Variants in ITGB4 observed in about 807,000 individuals in gnomAD.
The protein encoded by ITGB4 is integrin beta-4.
In ITGB4, 159 loss-of-function variants were observed where a neutral mutation model predicts 207.6. The observed-to-expected ratio is 0.77, with a 90% confidence interval of 0.67 to 0.87. ITGB4 has a LOEUF of 0.87. ITGB4 is among the 40% of genes least tolerant of loss of function. ITGB4 has a pLI of 0.00. For synonymous variants in ITGB4, 1,020 were observed against 1,062.7 expected (o/e 0.96, Z 0.78); for missense variants, 2,278 against 2,546.8 (o/e 0.89, Z 2.27).
At chr17:75,735,942 C>CTCCCTGGCTAGCCTGT in intron 13 of ITGB4, 109 bp from the exon 14 acceptor site, 1 of 965,262 alleles carries the variant, frequency 1.0e-6, no homozygotes, top group Non-Finnish European at 1.7e-6. Flanking sequence ...AGGCTAGCGG[C>CTCCCTGGCTAGCCTGT]ACCCTGGCTC....
intron 27 of ITGB4, 137 bp from the exon 28 acceptor site, chr17:75,749,974 G>C: frequency 1.8e-6 from 2 of 1,084,064 alleles, no homozygotes; most frequent in South Asian, 2.5e-5. Flanking sequence ...GCACCACCAG[G>C]TCTCCAGAGA....
At position 75,755,734 on chromosome 17, in the gene ITGB4, C is replaced by T; in HGVS notation, c.4592C>T (p.Pro1531Leu). ...SRLTAGVPDT[P>L]TRLVFSALGP... ...CTGACTGCTGGTGTGCCCGACACGC[C>T]CACCCGCCTGGTGTTCTCTGCCCTG... Residue 1531 changes from proline (P) to leucine (L), a missense_variant, in exon 35 of 40, where the codon CCC becomes CTC. Pro to Leu is a moderately conservative substitution (Grantham distance 98, BLOSUM62 -3). Coordinates refer to ENST00000200181, the MANE Select transcript of ITGB4 (RefSeq NM_000213.5). 6.2e-7 allele frequency: 1 copy of T among 1,612,932 alleles called. No homozygotes were observed. The highest frequency in any genetic ancestry group is 8.5e-7 in the Non-Finnish European group (1 of 1,179,916).
In ITGB4 at chr17:75,742,390, A is replaced by C. The variant is rs772496890; in HGVS notation, c.2683A>C (p.Lys895Gln). Residue 895 changes from lysine (K) to glutamine (Q), a missense_variant, in exon 24 of 40, where the codon AAG (lysine) becomes CAG (glutamine). Lys to Gln is a moderately conservative substitution (Grantham distance 53, BLOSUM62 1). Transcript: ENST00000200181. The surrounding 1 kb of genome is among the most constrained non-coding windows in gnomAD (Gnocchi z 5.9). The part of the protein sequence containing the change: ...DTVLMAPRSA[K>Q]PALLKLTEKQ... Reference sequence around the variant, plus strand: ...AGTGCTGATGGCGCCCCGCTCGGCCAAGCCGGCCCTGCTGAAGCTTACAGA... The same window carrying C: ...AGTGCTGATGGCGCCCCGCTCGGCCCAGCCGGCCCTGCTGAAGCTTACAGA... The C allele has an allele frequency of 3.3e-5, 54 of 1,613,370 alleles. No homozygotes were observed. Among genetic ancestry groups the C allele is most frequent in the Non-Finnish European group, 4.2e-5 (50 of 1,180,004 alleles).
Position 75,727,966 on chromosome 17 carries a change from C to A in ITGB4, c.469+111C>A. ...CACCCACCCAGAAGGAAACACTGGA[C>A]ATTTGAGCCCCCAAAAACCTTCCCT... is the stretch of plus-strand genomic sequence containing the variant. On this transcript the variant is annotated intron_variant, in intron 5 of 39. Coordinates refer to ENST00000200181, the MANE Select transcript of ITGB4 (RefSeq NM_000213.5). This position sits in a 1 kb window ranked among gnomAD's most constrained non-coding sequence, Gnocchi z 6.0. 1.0e-6 allele frequency: 1 copy of A among 968,852 alleles called. No homozygotes were observed. The highest frequency in any genetic ancestry group is 1.6e-6 in the Non-Finnish European group (1 of 633,056). 60.0% of individuals were successfully genotyped at this position (968,852 alleles called of 1,614,324 possible).
rs756270166 is a variant in ITGB4 at position 75,756,960 on chromosome 17, C to T, written c.5071C>T (p.Arg1691Trp). The T allele has an allele frequency of 5.6e-6, 9 of 1,612,644 alleles. No homozygotes were observed. The highest frequency in any genetic ancestry group is 5.0e-5 in the Admixed American group (3 of 60,008). ...AQGGGPATAF[R>W]VDGDSPESRL... ...CTGCTCAGGGCCAGCCACCGCATTCCGGGTGGATGGAGACAGCCCCGAGAG... is the reference window on the plus strand; with the variant it reads ...CTGCTCAGGGCCAGCCACCGCATTCTGGGTGGATGGAGACAGCCCCGAGAG... Residue 1691 changes from arginine to tryptophan, a missense_variant, in exon 38 of 40, where the codon CGG (arginine) becomes TGG (tryptophan). Transcript: ENST00000200181.
chr17:75,742,221 C>A lies in ITGB4; in HGVS notation c.2634-120C>A. 7.7e-7 allele frequency: 1 copy of A among 1,291,130 alleles called. No homozygotes were observed. Among genetic ancestry groups the A allele is most frequent in the Non-Finnish European group, 1.1e-6 (1 of 908,766 alleles). 80.0% of individuals were successfully genotyped at this position (1,291,130 alleles called of 1,614,324 possible). A position where few individuals can be genotyped will look rare whatever the true frequency, so the allele number is the denominator to read the frequency against. The stretch of plus-strand genomic sequence containing the variant: ...CTGGAGCACTGCCTGCCTCTGAAGA[C>A]CCTGCACTTCTTGCTGTCTTACATC... On this transcript the variant is annotated intron_variant, in intron 23 of 39. Coordinates refer to ENST00000200181, the MANE Select transcript of ITGB4 (RefSeq NM_000213.5). The surrounding 1 kb of genome is among the most constrained non-coding windows in gnomAD (Gnocchi z 5.9).
intron 1 of ITGB4, among the ~76,000 whole-genome samples, chr17:75,723,840 G>A (rs1186936577): frequency 6.6e-6 from 1 of 152,266 alleles, no homozygotes; most frequent in African/African-American, 2.4e-5. Context: ...TTGCAGGCCT[G>A]GATGGCTCTG....
At chr17:75,751,853 G>A in intron 30 of ITGB4, 1 of 435,372 alleles carries the variant, frequency 2.3e-6, no homozygotes, top group Non-Finnish European at 4.3e-6. Context: ...GGCAGGGTGG[G>A]CAACCCCTAT....
At chr17:75,754,495 G>T in intron 33 of ITGB4, 81 bp from the exon 34 acceptor site, 1 of 1,582,790 alleles carries the variant, frequency 6.3e-7, no homozygotes, top group Admixed American at 1.7e-5. Context: ...TGGGTGACCA[G>T]GAATGTGCAG....
rs138826441 is a variant in ITGB4 at position 75,728,845 on chromosome 17, G to A, written c.566+372G>A. On this transcript the variant is annotated intron_variant, in intron 6 of 39. Coordinates refer to ENST00000200181, the MANE Select transcript of ITGB4 (RefSeq NM_000213.5). ...TAAAAATACAAAAGATTAGCCAGGC[G>A]TGATGGTGGGCACCGGTAGTCCCAG... Among the ~76,000 whole-genome samples, 949 of 152,182 alleles carry A rather than the reference G, an allele frequency of 6.2e-3. 10 individuals carry two copies. Among genetic ancestry groups the A allele is most frequent in the African/African-American group, 0.019 (794 of 41,532 alleles).
Position 75,753,756 on chromosome 17 carries a change from G to A in ITGB4, c.4109-9G>A. On this transcript the variant is annotated splice_polypyrimidine_tract_variant and intron_variant, in intron 32 of 39. Coordinates refer to ENST00000200181, the MANE Select transcript of ITGB4 (RefSeq NM_000213.5). ...GGCGGTGCCAACGCGGCCCTTCGTT[G>A]TTCCCAAGGCTGCGGCTGGAAGTTC... 1.4e-6 allele frequency: 2 copies of A among 1,426,646 alleles called. No individual in the cohort carries two copies. The highest frequency in any genetic ancestry group is 1.8e-6 in the Non-Finnish European group (2 of 1,090,898). 88.4% of individuals were successfully genotyped at this position (1,426,646 alleles called of 1,614,324 possible).
At position 75,732,481 on chromosome 17, in the gene ITGB4, G is replaced by T. The variant is rs549460226; in HGVS notation, c.1454+242G>T. The stretch of plus-strand genomic sequence containing the variant: ...GAGGTGTGAGGATTGAGACGGGGTT[G>T]GCTGTTGGGGCTGGGGTCTGGATCT... On this transcript the variant is annotated intron_variant, in intron 12 of 39. Transcript: ENST00000200181. This position sits in a 1 kb window ranked among gnomAD's most constrained non-coding sequence, Gnocchi z 5.3. Among the ~76,000 whole-genome samples, 1 of 152,292 alleles carries T rather than the reference G, an allele frequency of 6.6e-6. No individual in the cohort carries two copies. Among genetic ancestry groups the T allele is most frequent in the African/African-American group, 2.4e-5 (1 of 41,570 alleles).
chr17:75,751,424 G>A (rs749188924), intron 30 of ITGB4, among the ~76,000 whole-genome samples: 7 of 152,246 alleles, frequency 4.6e-5, no homozygotes, highest in Non-Finnish European at 8.8e-5. Flanking sequence ...TTCTTAGGGT[G>A]AGAGGAAAGT....
chr17:75,753,837 C>G lies in ITGB4; in HGVS notation c.4181C>G (p.Pro1394Arg). The G allele has an allele frequency of 2.8e-6, 4 of 1,441,962 alleles. No homozygotes were observed. Among genetic ancestry groups the G allele is most frequent in the Non-Finnish European group, 2.7e-6 (3 of 1,097,680 alleles). The allele number at this position is 1,441,962 out of a possible 1,614,324, so 89.3% of individuals were successfully genotyped here. A position where few individuals can be genotyped will look rare whatever the true frequency, so the allele number is the denominator to read the frequency against. Residue 1394 changes from proline (P) to arginine (R), a missense_variant, in exon 33 of 40, where the codon CCG becomes CGG. By Grantham distance (103) the Pro-to-Arg change is moderately radical. Transcript: ENST00000200181. ...CGGCGCGTCACGTGGCGGCTGCCCC[C>G]GGAGCTCATCCCGCGCCTGTCGGCC... ...DLRRVTWRLP[P>R]ELIPRLSASS...
At position 75,733,499 on chromosome 17, in the gene ITGB4, G is replaced by A. The variant is rs1200792569; in HGVS notation, c.1464G>A (p.Gln488=). 1 of 1,613,140 alleles carries A rather than the reference G, an allele frequency of 6.2e-7. No homozygotes were observed. The highest frequency in any genetic ancestry group is 1.7e-5 in the Admixed American group (1 of 60,030). ...QCVCSEGWSG[Q]TCNCSTGSLS... is the part of the protein sequence containing the mutation. ...CCAGTTCCTCCTTCAGGAGTGGCCA[G>A]ACCTGCAACTGCTCCACCGGCTCTC... Residue 488 remains glutamine, a synonymous_variant, in exon 13 of 40, where the codon CAG becomes CAA. Transcript: ENST00000200181.
At chr17:75,755,658 C>T (rs750424128) in intron 34 of ITGB4, 43 bp from the exon 35 acceptor site, 8 of 1,611,036 alleles carry the variant, frequency 5.0e-6, no homozygotes, top group Non-Finnish European at 3.4e-6. Context: ...CACTGAGACC[C>T]TAGCCCCTGC....
Position 75,727,212 on chromosome 17 carries a change from G to T in ITGB4, c.97G>T (p.Ala33Ser), listed in dbSNP as rs745322866. 11 of 1,614,030 alleles carry T rather than the reference G, an allele frequency of 6.8e-6. No homozygotes were observed. The highest frequency in any genetic ancestry group is 4.5e-5 in the East Asian group (2 of 44,866). ...CCCCCCAGCAAACCGCTGCAAGAAG[G>T]CCCCAGTGAAGAGCTGCACGGAGTG... ...SGTLANRCKK[A>S]PVKSCTECVR... Residue 33 changes from alanine to serine, a missense_variant, in exon 3 of 40, where the codon GCC becomes TCC. Ala to Ser is a moderately conservative substitution (Grantham distance 99). Transcript: ENST00000200181. This position sits in a 1 kb window ranked among gnomAD's most constrained non-coding sequence, Gnocchi z 6.0.
At chr17:75,743,587 G>T in intron 25 of ITGB4, 126 bp from the exon 26 acceptor site, 2 of 1,270,636 alleles carry the variant, frequency 1.6e-6, no homozygotes, top group Non-Finnish European at 2.3e-6. Context: ...TTCCCAGAGG[G>T]CAATGCATAG....
At chr17:75,737,078 T>C (rs1252563513) in intron 16 of ITGB4, among the ~76,000 whole-genome samples, 2 of 152,100 alleles carry the variant, frequency 1.3e-5, no homozygotes, top group Non-Finnish European at 2.9e-5. Flanking sequence ...TCCTGGGTGA[T>C]GTCCAGGTCA....
Sources: gnomAD v4.1 joint callset for allele counts (sites outside exome capture counted in the v4.1 genomes callset) on GRCh38, gnomAD v4.1.1 for gene constraint, Gnocchi (gnomAD v3.1) non-coding constraint, MANE v1.5 for transcripts, NCBI Gene and HGNC (gene_info 2026-07-23, HGNC 2026-07-21) for gene names.